Variants in HDAC8 observed in about 807,000 individuals in gnomAD.
HDAC8 encodes histone deacetylase-like 1.
HDAC8 carries 1 observed loss-of-function variant against 32.2 expected under a neutral mutation model. That is an observed-to-expected ratio of 0.03 (90% confidence interval 0.01 to 0.15). HDAC8 has a LOEUF of 0.15. Among genes scored for constraint, HDAC8 ranks in the 10% least tolerant of loss-of-function variants. The pLI is 1.00. For synonymous variants in HDAC8, 108 were observed against 113.9 expected (o/e 0.95, Z 0.33); for missense variants, 117 against 300.0 (o/e 0.39, Z 4.51).
chrX:72,359,971 T>C (rs1405490359), intron 9 of HDAC8, among the ~76,000 whole-genome samples: 1 of 108,864 alleles, frequency 9.2e-6, no homozygotes, highest in African/African-American at 3.4e-5. Context: ...ATGAGAATCC[T>C]TGAACCCAGG....
chrX:72,397,752 T>C (rs1555966000), intron 9 of HDAC8, among the ~76,000 whole-genome samples: 1 of 112,549 alleles, frequency 8.9e-6, no homozygotes, highest in Non-Finnish European at 1.9e-5. Context: ...GGTATCACAC[T>C]AAACTTCTTT....
At chrX:72,559,966 G>T (rs782358625) in intron 4 of HDAC8, among the ~76,000 whole-genome samples, 1 of 106,236 alleles carries the variant, frequency 9.4e-6, no homozygotes, top group South Asian at 4.3e-4. Context: ...CCGCCCGGCC[G>T]CTGCCCCGTC....
chrX:72,443,002 T>C (rs1360897190), intron 9 of HDAC8, among the ~76,000 whole-genome samples: 1 of 107,393 alleles, frequency 9.3e-6, no homozygotes, highest in Non-Finnish European at 1.9e-5. Flanking sequence ...TAAATATATA[T>C]GCACCCAATA....
chrX:72,413,229 T>C (rs1446289939), intron 9 of HDAC8, among the ~76,000 whole-genome samples: 1 of 108,514 alleles, frequency 9.2e-6, no homozygotes, highest in Non-Finnish European at 1.9e-5. Flanking sequence ...AACTCATCAT[T>C]TAACATTAAG....
chrX:72,434,467 A>G (rs1555978442), intron 9 of HDAC8, among the ~76,000 whole-genome samples: 1 of 111,769 alleles, frequency 8.9e-6, no homozygotes, highest in Non-Finnish European at 1.9e-5. Context: ...TAAAACTCAA[A>G]TATACAATTT....
chrX:72,563,657 A>G (rs2051666809), intron 4 of HDAC8, among the ~76,000 whole-genome samples: 1 of 112,475 alleles, frequency 8.9e-6, no homozygotes, highest in Non-Finnish European at 1.9e-5. Context: ...ATTGCTAGGC[A>G]TTCATGTTAT....
intron 9 of HDAC8, 38 bp from the exon 10 acceptor site, chrX:72,351,876 C>T: frequency 2.0e-6 from 2 of 997,229 alleles, no homozygotes; most frequent in Non-Finnish European, 2.8e-6. Flanking sequence ...ACAAATTAAG[C>T]CACATAAAAC....
intron 10 of HDAC8, among the ~76,000 whole-genome samples, chrX:72,350,891 GAAGGAGGCTAGGCCAGC>G (rs1332023566): frequency 8.9e-6 from 1 of 111,808 alleles, no homozygotes; most frequent in African/African-American, 3.3e-5. Context: ...GCTAGGCCGG[GAAGGAGGCTAGGCCAGC>G]AAGGAGGCTA....
chrX:72,426,537 T>C (rs183646191), intron 9 of HDAC8, among the ~76,000 whole-genome samples: 20 of 112,449 alleles, frequency 1.8e-4, no homozygotes, highest in Non-Finnish European at 3.2e-4. Flanking sequence ...TAACAATGCC[T>C]AGTCAAAATA....
chrX:72,410,171 A>C (rs2046153564), intron 9 of HDAC8, among the ~76,000 whole-genome samples: 1 of 111,009 alleles, frequency 9.0e-6, no homozygotes, highest in Non-Finnish European at 1.9e-5. Flanking sequence ...GTCTGGGTGG[A>C]GCTAGCTGAG....
intron 10 of HDAC8, chrX:72,351,187 C>T (rs1555948740): frequency 5.5e-5 from 10 of 183,033 alleles, no homozygotes; most frequent in Non-Finnish European, 9.1e-5. Context: ...GCAGCCTCAA[C>T]CTCTTGGGCT....
intron 4 of HDAC8, among the ~76,000 whole-genome samples, chrX:72,507,543 CT>C (rs1353815695): frequency 1.8e-5 from 2 of 111,982 alleles, no homozygotes; most frequent in Non-Finnish European, 3.8e-5. Flanking sequence ...CATCTCCATC[CT>C]TCCTCACAAC....
chrX:72,402,337 A>G (rs1234525849), intron 9 of HDAC8, among the ~76,000 whole-genome samples: 1 of 91,018 alleles, frequency 1.1e-5, no homozygotes, highest in Non-Finnish European at 2.3e-5. Context: ...TGTATTTTCT[A>G]TTTTCTAGTT....
At chrX:72,488,056 T>C (rs782611688) in intron 7 of HDAC8, among the ~76,000 whole-genome samples, 3 of 111,478 alleles carry the variant, frequency 2.7e-5, no homozygotes, top group African/African-American at 9.8e-5. Flanking sequence ...TCACCAAATC[T>C]CTTGAGCTAA....
At chrX:72,357,721 G>A (rs781852278) in intron 9 of HDAC8, among the ~76,000 whole-genome samples, 18 of 110,488 alleles carry the variant, frequency 1.6e-4, no homozygotes, top group South Asian at 1.6e-3. Context: ...GACTCCCAGC[G>A]GATGCCTAAA....
At chrX:72,437,711 A>G (rs1197709846) in intron 9 of HDAC8, among the ~76,000 whole-genome samples, 1 of 112,013 alleles carries the variant, frequency 8.9e-6, no homozygotes, top group Non-Finnish European at 1.9e-5. Context: ...CTCACAGTGT[A>G]AACGAAGCCT....
intron 9 of HDAC8, among the ~76,000 whole-genome samples, chrX:72,450,322 C>T (rs1423035095): frequency 2.7e-5 from 3 of 112,238 alleles, no homozygotes; most frequent in East Asian, 2.8e-4. Flanking sequence ...AATGGAACAG[C>T]GCTGTATCCT....
chrX:72,383,517 T>C (rs1555960448), intron 9 of HDAC8, among the ~76,000 whole-genome samples: 1 of 112,213 alleles, frequency 8.9e-6, no homozygotes, highest in African/African-American at 3.2e-5. Flanking sequence ...AGCCAAACCA[T>C]GTACTTTGAG....
At chrX:72,379,889 C>T (rs782524671) in intron 9 of HDAC8, among the ~76,000 whole-genome samples, 57 of 110,508 alleles carry the variant, frequency 5.2e-4, no homozygotes, top group South Asian at 5.1e-3. Context: ...TTAGGTTAGT[C>T]GTCAGCTAAT....
Sources: gnomAD v4.1 joint callset for allele counts (sites outside exome capture counted in the v4.1 genomes callset) on GRCh38, gnomAD v4.1.1 for gene constraint, MANE v1.5 for transcripts, NCBI Gene and HGNC (gene_info 2026-07-23, HGNC 2026-07-21) for gene names.